Variants in LRP2 observed in about 807,000 individuals in gnomAD.
LRP2 encodes LDL receptor related protein 2.
Under a neutral mutation model 531.0 loss-of-function variants are expected in LRP2, and 172 were observed. The observed-to-expected ratio is 0.32, with a 90% CI of 0.29 to 0.37. LRP2 has a LOEUF of 0.37. Among genes scored for constraint, LRP2 ranks in the 10% least tolerant of loss-of-function variants. LRP2 has a pLI of 1.00. For synonymous variants in LRP2, 1,992 were observed against 2,027.6 expected (o/e 0.98, Z 0.47); for missense variants, 5,167 against 5,868.3 (o/e 0.88, Z 3.90).
intron 61 of LRP2, among the ~76,000 whole-genome samples, chr2:169,168,277 C>A (rs1686863073): frequency 6.6e-6 from 1 of 151,744 alleles, no homozygotes; most frequent in East Asian, 1.9e-4. Context: ...TTTATGCATA[C>A]TAGGTTTTCA....
At chr2:169,209,191 T>C (rs959449568) in intron 38 of LRP2, among the ~76,000 whole-genome samples, 2 of 152,220 alleles carry the variant, frequency 1.3e-5, no homozygotes, top group Admixed American at 1.3e-4. Context: ...CATAATTTAA[T>C]ATTTTAGCCA....
intron 1 of LRP2, among the ~76,000 whole-genome samples, chr2:169,335,656 GA>G (rs993068254): frequency 6.7e-5 from 10 of 149,716 alleles, no homozygotes; most frequent in South Asian, 6.3e-4. Context: ...CTCAATAGAA[GA>G]AAAAAAAAGG....
intron 1 of LRP2, among the ~76,000 whole-genome samples, chr2:169,360,140 AAAAAAAAAG>A (rs1329178461): frequency 4.0e-4 from 53 of 131,870 alleles, no homozygotes; most frequent in African/African-American, 1.4e-3. Flanking sequence ...AAAAAAAAAA[AAAAAAAAAG>A]AGAGAGAGAG....
At chr2:169,251,169 CA>C (rs1305558778) in intron 19 of LRP2, among the ~76,000 whole-genome samples, 5 of 19,040 alleles carry the variant, frequency 2.6e-4, no homozygotes. Flanking sequence ...CTCTCCACCC[CA>C]AATCAACAGA....
intron 12 of LRP2, among the ~76,000 whole-genome samples, chr2:169,278,992 G>C (rs1189435452): frequency 2.6e-5 from 4 of 152,166 alleles, no homozygotes; most frequent in Non-Finnish European, 5.9e-5. Flanking sequence ...ATTCATGTTA[G>C]AGTAATCATC....
chr2:169,201,735 G>T lies in LRP2; in HGVS notation c.8345C>A (p.Ala2782Asp). Residue 2782 changes from alanine to aspartate, a missense_variant, in exon 44 of 79, where the codon GCC (alanine) becomes GAC (aspartate). Transcript: ENST00000649046. ...EAGCLFRDCNATTEFMCNNRR... is the reference protein window; with the variant it reads ...EAGCLFRDCNDTTEFMCNNRR... ...GTTATTGCACATAAACTCCGTGGTG[G>T]CATTGCAGTCCCTGAACAGGCACCC... 6.2e-7 allele frequency: 1 copy of T among 1,614,168 alleles called. No homozygotes were observed. Among genetic ancestry groups the T allele is most frequent in the Non-Finnish European group, 8.5e-7 (1 of 1,180,038 alleles).
chr2:169,137,019 C>T (rs1222942805), intron 76 of LRP2, among the ~76,000 whole-genome samples: 1 of 152,222 alleles, frequency 6.6e-6, no homozygotes. Flanking sequence ...AGTGACCTGA[C>T]AATTCTCCAC....
At position 169,181,975 on chromosome 2, in the gene LRP2, G is replaced by A. The variant is rs774068347; in HGVS notation, c.9998+192C>T. Among the ~76,000 whole-genome samples, 3 of 152,304 alleles carry A rather than the reference G, an allele frequency of 2.0e-5. No homozygotes were observed. In the East Asian group the frequency reaches 5.8e-4, roughly 29 times the overall value. The stretch of plus-strand genomic sequence containing the variant: ...AAAGTGTGTCAGGGAAAAGAAAACA[G>A]AAGAGCTGATGATGATGATTTGAAG... On this transcript the variant is annotated intron_variant, in intron 51 of 78. Transcript: ENST00000649046.
In LRP2 at chr2:169,290,927, G is replaced by C. The variant is rs775167770; in HGVS notation, c.840C>G (p.Ile280Met). 1 of 1,614,026 alleles carries C rather than the reference G, an allele frequency of 6.2e-7. No homozygotes were observed. The highest frequency in any genetic ancestry group is 8.5e-7 in the Non-Finnish European group (1 of 1,179,974). ...TCCCATCACAAACTTTATAAATGGA[G>C]ATGCATCGTCCCGACTCTGGGCAAG... is the stretch of plus-strand genomic sequence containing the variant. ...EWSCPESGRC[I>M]SIYKVCDGIL... The change falls in exon 8 of 79, where the codon ATC (isoleucine) becomes ATG (methionine). Residue 280 changes from isoleucine to methionine, a missense_variant. This residue lies in a region of LRP2 where 2,811 missense variants were observed against 3,058.0 expected (regional missense o/e 0.92). Coordinates refer to ENST00000649046, the MANE Select transcript of LRP2 (RefSeq NM_004525.3).
In LRP2 at chr2:169,307,441, G is replaced by C. The variant is rs552904164; in HGVS notation, c.311-44C>G. 5.5e-6 allele frequency: 6 copies of C among 1,091,098 alleles called. No homozygotes were observed. In the South Asian group the frequency reaches 6.3e-5, roughly 11 times the overall value. The allele number at this position is 1,091,098 out of a possible 1,614,324, so 67.6% of individuals were successfully genotyped here. A position where few individuals can be genotyped will look rare whatever the true frequency, so the allele number is the denominator to read the frequency against. ...ATTACTTAATTTATAATTATTGCTA[G>C]ACACAGACTAATCTATTGTCATTAA... On this transcript the variant is annotated intron_variant, in intron 3 of 78. Coordinates refer to ENST00000649046, the MANE Select transcript of LRP2 (RefSeq NM_004525.3).
At chr2:169,133,366 T>G (rs1387689510) in intron 76 of LRP2, among the ~76,000 whole-genome samples, 1 of 152,252 alleles carries the variant, frequency 6.6e-6, no homozygotes, top group Non-Finnish European at 1.5e-5. Flanking sequence ...TTCTGAAACT[T>G]GGATATGCAT....
At position 169,243,421 on chromosome 2, in the gene LRP2, A is replaced by G; in HGVS notation, c.3532T>C (p.Ser1178Pro). ...CACTTACCACAACCAACCTCATCAGATCCATCAACACAATCCTTGTCACCA... is the reference window on the plus strand; with the variant it reads ...CACTTACCACAACCAACCTCATCAGGTCCATCAACACAATCCTTGTCACCA... ...CDGDKDCVDGSDEVGCVLNCT... is the reference protein window; with the variant it reads ...CDGDKDCVDGPDEVGCVLNCT... The change falls in exon 23 of 79, where the codon TCT becomes CCT. Residue 1178 changes from serine to proline, a missense_variant. Coordinates refer to ENST00000649046, the MANE Select transcript of LRP2 (RefSeq NM_004525.3). The G allele has an allele frequency of 6.2e-7, 1 of 1,614,160 alleles. No homozygotes were observed. Among genetic ancestry groups the G allele is most frequent in the Non-Finnish European group, 8.5e-7 (1 of 1,180,014 alleles).
rs762411257 is a variant in LRP2, at chr2:169,280,445, T to A, written c.1246A>T (p.Ile416Phe). ...IGDIHGRSFR[I>F]LVESQNRGVA... ...CCACGATTCTGAGACTCCACTAGGA[T>A]CCGGAAGCTCCTTCCATGAATATCA... Residue 416 changes from isoleucine (I) to phenylalanine (F), a missense_variant, in exon 11 of 79, where the codon ATC (isoleucine) becomes TTC (phenylalanine). Coordinates refer to ENST00000649046, the MANE Select transcript of LRP2 (RefSeq NM_004525.3). 6.2e-7 allele frequency: 1 copy of A among 1,614,182 alleles called. No homozygotes were observed. Among genetic ancestry groups the A allele is most frequent in the South Asian group, 1.1e-5 (1 of 91,090 alleles).
At chr2:169,206,308 G>C (rs748851929) in intron 39 of LRP2, 22 bp downstream of exon 39, 4 of 1,612,176 alleles carry the variant, frequency 2.5e-6, no homozygotes, top group Non-Finnish European at 3.4e-6. Flanking sequence ...TGCAGGACAA[G>C]CAGCACCTGG....
chr2:169,226,296 G>A, intron 32 of LRP2, 126 bp downstream of exon 32: 1 of 763,898 alleles, frequency 1.3e-6, no homozygotes, highest in Non-Finnish European at 2.2e-6. Flanking sequence ...AAAAACTTAG[G>A]GATAAATTTA....
In LRP2 at chr2:169,168,688, GA is replaced by G. The variant is rs143342962; in HGVS notation, c.11498-13del. ...AGGAAAGCGTGTGGCTGCCATGGGG[GA>G]AAAAAACATATTCAAATTATTATAC... On this transcript the variant is annotated splice_polypyrimidine_tract_variant and intron_variant, in intron 60 of 78. Coordinates refer to ENST00000649046, the MANE Select transcript of LRP2 (RefSeq NM_004525.3). The G allele has an allele frequency of 0.094, 150,970 of 1,613,584 alleles. 7,947 individuals are homozygous for G. Among genetic ancestry groups the G allele is most frequent in the Non-Finnish European group, 0.11 (125,240 of 1,179,606 alleles).
chr2:169,187,164 C>T (rs1687663670), intron 49 of LRP2, among the ~76,000 whole-genome samples: 1 of 151,912 alleles, frequency 6.6e-6, no homozygotes, highest in Non-Finnish European at 1.5e-5. Context: ...TGGTTTGCTG[C>T]ACAGATTTTT....
At position 169,247,067 on chromosome 2, in the gene LRP2, A is replaced by C. The variant is rs1559038880; in HGVS notation, c.2909-81T>G. 5 of 1,483,420 alleles carry C rather than the reference A, an allele frequency of 3.4e-6. No individual in the cohort carries two copies. The Admixed American group carries it at 7.5e-5, about 22-fold the overall frequency. The allele number at this position is 1,483,420 out of a possible 1,614,324, so 91.9% of individuals were successfully genotyped here. A position where few individuals can be genotyped will look rare whatever the true frequency, so the allele number is the denominator to read the frequency against. On this transcript the variant is annotated intron_variant, in intron 20 of 78. Transcript: ENST00000649046. ...ACGGGTTTGATTTGTGAAGGAAAAC[A>C]AACAGGACAAAACATTTTTCAGACC...
At chr2:169,201,221 C>T (rs1559012271) in intron 44 of LRP2, among the ~76,000 whole-genome samples, 1 of 152,148 alleles carries the variant, frequency 6.6e-6, no homozygotes, top group Non-Finnish European at 1.5e-5. Flanking sequence ...TTATAACAAT[C>T]AAAATCAGTT....
Sources: gnomAD v4.1 joint callset for allele counts (sites outside exome capture counted in the v4.1 genomes callset) on GRCh38, gnomAD v4.1.1 for gene constraint, gnomAD v4.1.1 regional missense constraint, MANE v1.5 for transcripts, NCBI Gene and HGNC (gene_info 2026-07-23, HGNC 2026-07-21) for gene names.